PRKCA: variants seen among roughly 807,000 people sequenced by gnomAD.
PRKCA encodes the protein protein kinase C alpha.
In PRKCA, 27 loss-of-function variants were observed where a neutral mutation model predicts 87.0. The observed-to-expected ratio is 0.31, with a 90% CI of 0.23 to 0.43. PRKCA has a LOEUF of 0.43. PRKCA is among the 20% of genes least tolerant of loss of function. The pLI is 1.00. For missense variants in PRKCA, 518 were observed against 852.3 expected, an observed-to-expected ratio of 0.61 and a Z score of 4.88; for synonymous variants, 329 against 311.1, an observed-to-expected ratio of 1.06 and a Z score of -0.61.
At chr17:66,517,085 A>C (rs953555806) in intron 3 of PRKCA, among the ~76,000 whole-genome samples, 2 of 152,130 alleles carry the variant, frequency 1.3e-5, no homozygotes, top group African/African-American at 2.4e-5. Flanking sequence ...AGAAATCGAG[A>C]CCATCCTGGC....
chr17:66,697,173 G>T (rs149982708), intron 8 of PRKCA, among the ~76,000 whole-genome samples: 28 of 152,342 alleles, frequency 1.8e-4, no homozygotes, highest in Admixed American at 4.6e-4. Context: ...CACATTGTCA[G>T]CTAAATAATC....
chr17:66,657,642 C>T (rs1309840115), intron 5 of PRKCA, among the ~76,000 whole-genome samples: 7 of 152,098 alleles, frequency 4.6e-5, no homozygotes, highest in Non-Finnish European at 7.4e-5. Flanking sequence ...GAAGAACTCT[C>T]GTGGAAGAAC....
In PRKCA at chr17:66,808,250, T is replaced by G. The variant is rs72652887; in HGVS notation, c.*4213T>G. The G allele has an allele frequency of 0.034, 5,131 of 150,606 alleles. 112 individuals carry two copies. Among genetic ancestry groups the G allele is most frequent in the Middle Eastern group, 0.056 (16 of 284 alleles). The allele number at this position is 150,606 out of a possible 1,614,324, so 9.3% of individuals were successfully genotyped here. On this transcript the variant is annotated 3_prime_UTR_variant, in exon 17 of 17. Transcript: ENST00000413366. Reference sequence around the variant, plus strand: ...CAACTAACACCGCACAACTAACAACTAACACCGCAGTTCCCACCTGGGTTC... The same window carrying G: ...CAACTAACACCGCACAACTAACAACGAACACCGCAGTTCCCACCTGGGTTC...
At chr17:66,476,100 A>G (rs548792415) in intron 2 of PRKCA, among the ~76,000 whole-genome samples, 34 of 152,106 alleles carry the variant, frequency 2.2e-4, no homozygotes, top group Admixed American at 8.5e-4. Context: ...GAGTTTTGCT[A>G]TGTTGGCTAG....
At chr17:66,681,124 G>C (rs1972479341) in intron 5 of PRKCA, among the ~76,000 whole-genome samples, 1 of 152,138 alleles carries the variant, frequency 6.6e-6, no homozygotes, top group African/African-American at 2.4e-5. Context: ...AGCTACTCAG[G>C]AGGCTGACGC....
At chr17:66,455,588 C>T (rs1358396873) in intron 2 of PRKCA, among the ~76,000 whole-genome samples, 2 of 152,204 alleles carry the variant, frequency 1.3e-5, no homozygotes, top group African/African-American at 4.8e-5. Flanking sequence ...GGAAGTCTGG[C>T]TGAGTCAAAC....
At position 66,541,797 on chromosome 17, in the gene PRKCA, T is replaced by G. The variant is rs184934704; in HGVS notation, c.288+45514T>G. ...TTTCAGAACATGTGCCCTATAAAAA[T>G]GTACAACTGCATTGTTTAAAACTCT... On this transcript the variant is annotated intron_variant, in intron 3 of 16. Transcript: ENST00000413366. 9.2e-5 allele frequency among the ~76,000 whole-genome samples: 14 copies of G among 152,384 alleles called. No individual in the cohort carries two copies. The East Asian group carries it at 2.7e-3, about 29-fold the overall frequency.
Position 66,434,030 on chromosome 17 carries a change from G to A in PRKCA, c.206-62171G>A, listed in dbSNP as rs77085471. Among the ~76,000 whole-genome samples the A allele has an allele frequency of 1.1e-3, 175 of 152,214 alleles. 1 individual carries two copies. In the East Asian group the frequency reaches 0.031, roughly 27 times the overall value. On this transcript the variant is annotated intron_variant, in intron 2 of 16. Transcript: ENST00000413366. ...CGGAGGTGAATCTCCTGAGCCAGGA[G>A]CAGCAGAGCCAGGATGGACCCTGAC...
chr17:66,426,728 G>T (rs1197600961), intron 2 of PRKCA, among the ~76,000 whole-genome samples: 1 of 152,186 alleles, frequency 6.6e-6, no homozygotes, highest in Non-Finnish European at 1.5e-5. Flanking sequence ...TGTGATTCCT[G>T]TTAGTGAGCA....
intron 2 of PRKCA, among the ~76,000 whole-genome samples, chr17:66,406,584 G>GTTT (rs1242757426): frequency 4.7e-5 from 1 of 21,294 alleles, no homozygotes; most frequent in Non-Finnish European, 1.6e-4. Context: ...AGCTTTTCCA[G>GTTT]GTTTTTTTTT....
At chr17:66,389,390 C>G (rs1457717339) in intron 2 of PRKCA, among the ~76,000 whole-genome samples, 1 of 152,208 alleles carries the variant, frequency 6.6e-6, no homozygotes, top group Admixed American at 6.5e-5. Flanking sequence ...CTGACCGCAG[C>G]TAGACTCCTG....
chr17:66,534,523 C>A (rs897371760), intron 3 of PRKCA, among the ~76,000 whole-genome samples: 1 of 152,046 alleles, frequency 6.6e-6, no homozygotes, highest in South Asian at 2.1e-4. Context: ...AAAAATTAGC[C>A]GGGCGTGGTG....
chr17:66,636,225 A>G (rs1281030457), intron 3 of PRKCA, among the ~76,000 whole-genome samples: 1 of 152,242 alleles, frequency 6.6e-6, no homozygotes, highest in Non-Finnish European at 1.5e-5. Flanking sequence ...TGCTCTCTGC[A>G]GATCTTCATG....
Position 66,484,674 on chromosome 17 carries a change from T to C in PRKCA, c.206-11527T>C, listed in dbSNP as rs138762118. Among the ~76,000 whole-genome samples, 337 of 152,326 alleles carry C rather than the reference T, an allele frequency of 2.2e-3. 1 individual carries two copies. Among genetic ancestry groups the C allele is most frequent in the African/African-American group, 7.7e-3 (320 of 41,578 alleles). ...TAGCTTTTTATTATGTACATTTTCA[T>C]ATATCTGGAAAAGCAGAGAGAATAG... On this transcript the variant is annotated intron_variant, in intron 2 of 16. Coordinates refer to ENST00000413366, the MANE Select transcript of PRKCA (RefSeq NM_002737.3).
chr17:66,353,622 G>A (rs537762836), intron 2 of PRKCA, among the ~76,000 whole-genome samples: 7 of 152,274 alleles, frequency 4.6e-5, no homozygotes, highest in South Asian at 2.1e-4. Context: ...AGGCTGAGGC[G>A]GGAGAATTGC....
At chr17:66,402,790 A>G (rs1265747799) in intron 2 of PRKCA, among the ~76,000 whole-genome samples, 1 of 152,198 alleles carries the variant, frequency 6.6e-6, no homozygotes, top group Non-Finnish European at 1.5e-5. Context: ...AATTCATAGA[A>G]CCAAGTTCTA....
At chr17:66,604,459 A>G (rs1401299342) in intron 3 of PRKCA, among the ~76,000 whole-genome samples, 1 of 152,224 alleles carries the variant, frequency 6.6e-6, no homozygotes, top group Admixed American at 6.5e-5. Flanking sequence ...GCCACAGCCA[A>G]GGTTTTCTCT....
chr17:66,498,910 G>A (rs1329073964), intron 3 of PRKCA, among the ~76,000 whole-genome samples: 1 of 152,192 alleles, frequency 6.6e-6, no homozygotes, highest in Non-Finnish European at 1.5e-5. Context: ...TTGGGTGTCT[G>A]GCAAGGATTT....
chr17:66,747,655 T>A (rs1216605257), intron 13 of PRKCA, among the ~76,000 whole-genome samples: 2 of 152,200 alleles, frequency 1.3e-5, no homozygotes, highest in Non-Finnish European at 2.9e-5. Flanking sequence ...TCCATAGATA[T>A]GGGAGAAAAA....
Sources: gnomAD v4.1 joint callset for allele counts (sites outside exome capture counted in the v4.1 genomes callset) on GRCh38, gnomAD v4.1.1 for gene constraint, MANE v1.5 for transcripts, NCBI Gene and HGNC (gene_info 2026-07-23, HGNC 2026-07-21) for gene names.